The following MIPEP variants were observed in gnomAD, a reference collection of about 807,000 sequenced individuals.
MIPEP encodes the protein mitochondrial intermediate peptidase.
Under a neutral mutation model 90.3 loss-of-function variants are expected in MIPEP, and 79 were observed. The observed-to-expected ratio is 0.87, with a 90% CI of 0.73 to 1.05. The LOEUF (loss-of-function observed/expected upper bound fraction) is 1.05. MIPEP is among the 50% of genes least tolerant of loss of function. The pLI, the probability that MIPEP is intolerant of heterozygous loss-of-function variation, is 0.00. For synonymous variants in MIPEP, 334 were observed against 315.8 expected (o/e 1.06, Z -0.61); for missense variants, 940 against 905.6 (o/e 1.04, Z -0.49).
rs1012715213 is a variant in MIPEP at position 23,874,777 on chromosome 13, G to A, written c.603+69C>T. ...AATTCAAGCAATATATACAAGGACT[G>A]TAGCAATAATGGTATCAACTAAATG... is the stretch of plus-strand genomic sequence containing the variant. On this transcript the variant is annotated intron_variant, in intron 5 of 18. Transcript: ENST00000382172. The A allele has an allele frequency of 4.6e-6, 6 of 1,304,568 alleles. No homozygotes were observed. The African/African-American group carries it at 9.1e-5, about 20-fold the overall frequency. The allele number at this position is 1,304,568 out of a possible 1,614,324, so 80.8% of individuals were successfully genotyped here. A position where few individuals can be genotyped will look rare whatever the true frequency, so the allele number is the denominator to read the frequency against.
At chr13:23,755,173 T>A (rs1028478163) in intron 18 of MIPEP, among the ~76,000 whole-genome samples, 3 of 152,334 alleles carry the variant, frequency 2.0e-5, no homozygotes, top group Non-Finnish European at 2.9e-5. Flanking sequence ...GATGGCTGTG[T>A]CAGCATGCAC....
chr13:23,763,848 C>T (rs989617680), intron 16 of MIPEP, among the ~76,000 whole-genome samples: 3 of 152,202 alleles, frequency 2.0e-5, no homozygotes, highest in Non-Finnish European at 4.4e-5. Flanking sequence ...TTATCTCCAC[C>T]TGACACCTTT....
rs189017571 is a variant in MIPEP, at chr13:23,775,332, A to G, written c.1849-15115T>C. Among the ~76,000 whole-genome samples, 59 of 152,092 alleles carry G rather than the reference A, an allele frequency of 3.9e-4. No homozygotes were observed. The East Asian group carries it at 0.011, about 27-fold the overall frequency. On this transcript the variant is annotated intron_variant, in intron 16 of 18. Transcript: ENST00000382172. ...TGGCAGACATTGCTGTCTTATTCCC[A>G]TCTCAGAGGAAAGCTTTCAGTCTTT... is the stretch of plus-strand genomic sequence containing the variant.
chr13:23,757,386 A>G (rs1191497625), intron 17 of MIPEP, among the ~76,000 whole-genome samples: 1 of 152,196 alleles, frequency 6.6e-6, no homozygotes, highest in Non-Finnish European at 1.5e-5. Context: ...TGTGTGGCCC[A>G]GTTCCCAGTA....
At chr13:23,851,920 C>A (rs1869817219) in intron 10 of MIPEP, among the ~76,000 whole-genome samples, 1 of 152,034 alleles carries the variant, frequency 6.6e-6, no homozygotes. Flanking sequence ...GGTGTCCATG[C>A]CAAAAACGGG....
At chr13:23,823,536 A>G (rs1001866174) in intron 14 of MIPEP, among the ~76,000 whole-genome samples, 5 of 152,120 alleles carry the variant, frequency 3.3e-5, no homozygotes, top group African/African-American at 7.2e-5. Flanking sequence ...TTCTTTCTTA[A>G]CAGCATTTGG....
intron 2 of MIPEP, among the ~76,000 whole-genome samples, chr13:23,882,261 T>C (rs1232858449): frequency 6.6e-6 from 1 of 152,144 alleles, no homozygotes; most frequent in African/African-American, 2.4e-5. Flanking sequence ...GAGCAGACAC[T>C]GGTTTCAAAT....
chr13:23,836,298 T>C lies in MIPEP; in HGVS notation c.1595A>G (p.Tyr532Cys), dbSNP rs1869040383. 2 of 1,606,818 alleles carry C rather than the reference T, an allele frequency of 1.2e-6. No individual in the cohort carries two copies. The highest frequency in any genetic ancestry group is 1.7e-4 in the Middle Eastern group (1 of 6,040). Reference sequence around the variant, plus strand: ...AACTACTCGATAATCATTTGCAAAGTACTCCATCAGAATAGAAGGAACCTC... The same window carrying C: ...AACTACTCGATAATCATTTGCAAAGCACTCCATCAGAATAGAAGGAACCTC... ...FAEVPSILME[Y>C]FANDYRVVNQ... Residue 532 changes from tyrosine (Y) to cysteine (C), a missense_variant, in exon 14 of 19, where the codon TAC (tyrosine) becomes TGC (cysteine). Transcript: ENST00000382172.
chr13:23,858,337 C>T (rs918987104), intron 10 of MIPEP, among the ~76,000 whole-genome samples: 5 of 151,846 alleles, frequency 3.3e-5, no homozygotes, highest in Non-Finnish European at 7.4e-5. Context: ...AACTTAAGTT[C>T]CTTAAATCTT....
intron 16 of MIPEP, among the ~76,000 whole-genome samples, chr13:23,801,197 G>C (rs559902128): frequency 1.3e-5 from 2 of 152,160 alleles, no homozygotes; most frequent in Admixed American, 1.3e-4. Flanking sequence ...ATGGGAAGGC[G>C]CTACAAAGTC....
At chr13:23,801,474 A>G (rs552176017) in intron 16 of MIPEP, among the ~76,000 whole-genome samples, 105 of 152,304 alleles carry the variant, frequency 6.9e-4, no homozygotes, top group African/African-American at 2.5e-3. Context: ...TCTATCTACC[A>G]AGACTATATG....
At chr13:23,831,645 GCTCTCGTGGGAACTGATCTGTTC>G (rs1868771820) in intron 14 of MIPEP, among the ~76,000 whole-genome samples, 1 of 152,098 alleles carries the variant, frequency 6.6e-6, no homozygotes, top group African/African-American at 2.4e-5. Flanking sequence ...ATAACAACCT[GCTCTCGTGGGAACTGATCTGTTC>G]CCATGAGAAC....
At chr13:23,841,178 T>C (rs1869277323) in intron 11 of MIPEP, among the ~76,000 whole-genome samples, 157 bp downstream of exon 11, 1 of 152,190 alleles carries the variant, frequency 6.6e-6, no homozygotes, top group Non-Finnish European at 1.5e-5. Flanking sequence ...GTGTCTTAAA[T>C]CAGAAGTGCA....
intron 4 of MIPEP, among the ~76,000 whole-genome samples, 200 bp downstream of exon 4, chr13:23,879,068 G>T (rs769915485): frequency 3.9e-5 from 6 of 152,304 alleles, no homozygotes; most frequent in East Asian, 1.9e-4. Context: ...GGATCAGAGG[G>T]TAGAGTCTGA....
Position 23,881,797 on chromosome 13 carries a change from G to A in MIPEP, c.364-10C>T. 6.2e-7 allele frequency: 1 copy of A among 1,607,646 alleles called. No individual in the cohort carries two copies. ...TTTTCACAAAATCAGCCTAATAAAG[G>A]GGAAAGACAAAACCAAAAGGGAATT... On this transcript the variant is annotated splice_polypyrimidine_tract_variant and intron_variant, in intron 2 of 18. Transcript: ENST00000382172.
intron 10 of MIPEP, 97 bp from the exon 11 acceptor site, chr13:23,841,585 A>C: frequency 7.8e-7 from 1 of 1,286,098 alleles, no homozygotes; most frequent in Non-Finnish European, 1.1e-6. Flanking sequence ...AGATCACTGG[A>C]GCTAAAGAAG....
intron 16 of MIPEP, among the ~76,000 whole-genome samples, chr13:23,776,803 A>G (rs898303480): frequency 7.5e-5 from 11 of 146,314 alleles, no homozygotes; most frequent in Non-Finnish European, 1.7e-4. Context: ...TCTGTACAGT[A>G]GCTTGTGACC....
chr13:23,834,779 G>T (rs1868951176), intron 14 of MIPEP, among the ~76,000 whole-genome samples: 1 of 152,110 alleles, frequency 6.6e-6, no homozygotes, highest in South Asian at 2.1e-4. Flanking sequence ...CCTCAGGCAG[G>T]GAGCAATCAC....
chr13:23,732,935 C>T (rs1952221445), intron 18 of MIPEP, among the ~76,000 whole-genome samples: 1 of 152,132 alleles, frequency 6.6e-6, no homozygotes, highest in African/African-American at 2.4e-5. Flanking sequence ...ATACAGTAAG[C>T]AACTATTGAA....
Sources: gnomAD v4.1 joint callset for allele counts (sites outside exome capture counted in the v4.1 genomes callset) on GRCh38, gnomAD v4.1.1 for gene constraint, MANE v1.5 for transcripts, NCBI Gene and HGNC (gene_info 2026-07-23, HGNC 2026-07-21) for gene names.